The following ROR1 variants were observed in gnomAD, a reference collection of about 807,000 sequenced individuals.
ROR1 encodes inactive tyrosine-protein kinase transmembrane receptor ROR1.
Under a neutral mutation model 78.8 loss-of-function variants are expected in ROR1, and 19 were observed. That is an observed-to-expected ratio of 0.24 (90% CI 0.17 to 0.35). The LOEUF is 0.35. Among genes scored for constraint, ROR1 ranks in the 10% least tolerant of loss-of-function variants. The pLI is 1.00. For synonymous variants in ROR1, 386 were observed against 433.6 expected (o/e 0.89, Z 1.36); for missense variants, 917 against 1,177.8 (o/e 0.78, Z 3.24).
intron 1 of ROR1, among the ~76,000 whole-genome samples, chr1:63,822,903 CTT>C (rs1644931473): frequency 8.5e-6 from 1 of 117,724 alleles, no homozygotes; most frequent in South Asian, 2.8e-4. Context: ...AGGTAAAAGT[CTT>C]TTGATCTACA....
chr1:63,955,143 T>C (rs559994321), intron 1 of ROR1, among the ~76,000 whole-genome samples: 1 of 152,164 alleles, frequency 6.6e-6, no homozygotes, highest in African/African-American at 2.4e-5. Context: ...CTAGAGAGGT[T>C]TGGCAAACAC....
At chr1:64,117,497 C>G (rs1411203233) in intron 4 of ROR1, among the ~76,000 whole-genome samples, 3 of 152,072 alleles carry the variant, frequency 2.0e-5, no homozygotes, top group Non-Finnish European at 4.4e-5. Context: ...ATTACTCTAG[C>G]TTATGTAAGA....
intron 1 of ROR1, among the ~76,000 whole-genome samples, chr1:63,870,843 A>T (rs1467286208): frequency 6.6e-6 from 1 of 152,182 alleles, no homozygotes; most frequent in Non-Finnish European, 1.5e-5. Context: ...AGGGATCTGG[A>T]AGTGCCACTG....
chr1:64,123,420 C>T lies in ROR1; in HGVS notation c.483-13949C>T, dbSNP rs573007122. Among the ~76,000 whole-genome samples the T allele has an allele frequency of 5.9e-5, 9 of 152,288 alleles. 2 individuals carry two copies. The highest frequency in any genetic ancestry group is 2.2e-4 in the African/African-American group (9 of 41,560). On this transcript the variant is annotated intron_variant, in intron 4 of 8. Coordinates refer to ENST00000371079, the MANE Select transcript of ROR1 (RefSeq NM_005012.4). ...TTGGAATTTAGAAAAGAACACTGTG[C>T]CTGGCATGACATGAAGCCAACTTAG...
intron 2 of ROR1, among the ~76,000 whole-genome samples, chr1:64,041,980 AT>A (rs1391174687): frequency 6.6e-6 from 1 of 152,140 alleles, no homozygotes; most frequent in African/African-American, 2.4e-5. Flanking sequence ...TTTATCAGTT[AT>A]GTGACCTTAG....
chr1:64,110,413 G>C (rs2100672663), intron 4 of ROR1, among the ~76,000 whole-genome samples: 1 of 152,210 alleles, frequency 6.6e-6, no homozygotes, highest in Admixed American at 6.5e-5. Context: ...CAGCCTATCA[G>C]ATATAGAGCT....
At chr1:63,875,942 T>A (rs1645282056) in intron 1 of ROR1, among the ~76,000 whole-genome samples, 1 of 152,192 alleles carries the variant, frequency 6.6e-6, no homozygotes, top group Non-Finnish European at 1.5e-5. Context: ...TATTTTTGTG[T>A]CCTTGAAGTT....
chr1:63,972,873 T>C (rs768562462), intron 1 of ROR1, among the ~76,000 whole-genome samples: 2 of 152,262 alleles, frequency 1.3e-5, no homozygotes, highest in African/African-American at 2.4e-5. Context: ...AGTTTCTTTA[T>C]AGTCAATGTT....
In ROR1 at chr1:64,106,818, G is replaced by T. The variant is rs907187104; in HGVS notation, c.483-30551G>T. On this transcript the variant is annotated intron_variant, in intron 4 of 8. Coordinates refer to ENST00000371079, the MANE Select transcript of ROR1 (RefSeq NM_005012.4). The stretch of plus-strand genomic sequence containing the variant: ...CCAGGGATGAAGCCAGCTTGATCGT[G>T]ATGGATAAGTTTTTTGATGTGCGGG... The T allele has an allele frequency of 6.6e-5, 10 of 152,162 alleles. 1 individual carries two copies. The highest frequency in any genetic ancestry group is 1.5e-4 in the Non-Finnish European group (10 of 68,032). 9.4% of individuals were successfully genotyped at this position (152,162 alleles called of 1,614,324 possible).
At chr1:63,852,682 A>G (rs1645121790) in intron 1 of ROR1, among the ~76,000 whole-genome samples, 2 of 152,250 alleles carry the variant, frequency 1.3e-5, no homozygotes, top group Admixed American at 6.5e-5. Flanking sequence ...GGAAGGAAAA[A>G]CACTAAAAAA....
intron 1 of ROR1, among the ~76,000 whole-genome samples, chr1:63,878,513 G>A (rs1236358004): frequency 4.7e-5 from 7 of 149,904 alleles, no homozygotes; most frequent in Non-Finnish European, 1.0e-4. Flanking sequence ...TTTTTAAACA[G>A]AAATCTGATC....
intron 1 of ROR1, chr1:63,843,324 T>C: frequency 8.8e-7 from 1 of 1,138,984 alleles, no homozygotes; most frequent in East Asian, 2.4e-5. Flanking sequence ...CTTGACGGCG[T>C]CCTTGGAGCT....
In ROR1 at chr1:63,793,256, C is replaced by G. The variant is rs1364364765; in HGVS notation, c.91+18748C>G. On this transcript the variant is annotated intron_variant, in intron 1 of 8. Coordinates refer to ENST00000371079, the MANE Select transcript of ROR1 (RefSeq NM_005012.4). ...GATGGTGAGCCTGGATACTCATTCTCAAATCTGGTGAGGCATCGTTGGCTT... is the reference window on the plus strand; with the variant it reads ...GATGGTGAGCCTGGATACTCATTCTGAAATCTGGTGAGGCATCGTTGGCTT... 2.6e-5 allele frequency among the ~76,000 whole-genome samples: 4 copies of G among 152,178 alleles called. No homozygotes were observed. The East Asian group carries it at 7.7e-4, about 29-fold the overall frequency.
intron 4 of ROR1, among the ~76,000 whole-genome samples, chr1:64,117,350 C>G (rs1055367254): frequency 6.6e-6 from 1 of 152,110 alleles, no homozygotes; most frequent in Admixed American, 6.5e-5. Flanking sequence ...ATGGAAAATT[C>G]TTTGTATGCA....
At chr1:63,857,099 A>G (rs1645153520) in intron 1 of ROR1, among the ~76,000 whole-genome samples, 1 of 152,106 alleles carries the variant, frequency 6.6e-6, no homozygotes, top group South Asian at 2.1e-4. Context: ...GAATGAATGA[A>G]TTAATAAATA....
At chr1:63,904,462 A>G (rs561256870) in intron 1 of ROR1, among the ~76,000 whole-genome samples, 57 of 152,238 alleles carry the variant, frequency 3.7e-4, no homozygotes, top group African/African-American at 1.3e-3. Flanking sequence ...TTCCTTTGCC[A>G]GCTTGTGTCT....
At chr1:64,002,594 A>G (rs1475916595) in intron 1 of ROR1, among the ~76,000 whole-genome samples, 3 of 152,184 alleles carry the variant, frequency 2.0e-5, no homozygotes, top group Admixed American at 6.5e-5. Context: ...CACTTTAAAG[A>G]TGTGTGTCAT....
intron 1 of ROR1, among the ~76,000 whole-genome samples, chr1:63,972,281 CTT>C (rs1232811824): frequency 6.6e-6 from 1 of 152,154 alleles, no homozygotes; most frequent in African/African-American, 2.4e-5. Context: ...TTCATCCTCA[CTT>C]TTCCGATGAG....
At chr1:63,924,350 T>C (rs1645681854) in intron 1 of ROR1, among the ~76,000 whole-genome samples, 1 of 152,176 alleles carries the variant, frequency 6.6e-6, no homozygotes, top group Non-Finnish European at 1.5e-5. Flanking sequence ...CAAATATTGA[T>C]TGATTGAATG....
Sources: allele counts gnomAD v4.1 joint callset (sites outside exome capture counted in the v4.1 genomes callset), GRCh38; gene constraint gnomAD v4.1.1; transcripts MANE v1.5; gene names NCBI Gene and HGNC (gene_info 2026-07-23, HGNC 2026-07-21).